ST6GALNAC5: variants seen among roughly 807,000 people sequenced by gnomAD.
ST6GALNAC5 encodes the protein alpha-N-acetylgalactosaminide alpha-2,6-sialyltransferase 5.
In ST6GALNAC5, 27 loss-of-function variants were observed where a neutral mutation model predicts 33.6. That is an observed-to-expected ratio of 0.80 (90% CI 0.59 to 1.11). ST6GALNAC5 has a LOEUF of 1.11. Among genes scored for constraint, ST6GALNAC5 ranks in the 50% least tolerant of loss-of-function variants. The probability of loss-of-function intolerance (pLI) is 0.00; values close to 1 mark genes in which losing one functional copy is unlikely to be tolerated. For synonymous variants in ST6GALNAC5, 194 were observed against 171.2 expected, an observed-to-expected ratio of 1.13 and a Z score of -1.04; for missense variants, 428 against 454.0, an observed-to-expected ratio of 0.94 and a Z score of 0.52.
At chr1:76,975,592 T>C (rs1648977767) in intron 2 of ST6GALNAC5, among the ~76,000 whole-genome samples, 1 of 152,178 alleles carries the variant, frequency 6.6e-6, no homozygotes, top group Non-Finnish European at 1.5e-5. Flanking sequence ...ATTAACAGAT[T>C]ATAAACATAT....
chr1:76,868,606 AG>A lies in ST6GALNAC5; in HGVS notation c.126del (p.Gln42HisfsTer48), dbSNP rs766780981. 1.3e-5 allele frequency: 21 copies of A among 1,610,926 alleles called. No homozygotes were observed. Among genetic ancestry groups the A allele is most frequent in the Middle Eastern group, 1.7e-4 (1 of 6,060 alleles). On this transcript the variant is annotated frameshift_variant, in exon 2 of 5. Transcript: ENST00000477717. LOFTEE classifies it high-confidence loss of function. The surrounding 1 kb of genome is among the most constrained non-coding windows in gnomAD (Gnocchi z 4.3). The stretch of plus-strand genomic sequence containing the variant: ...GAGCGGCCCCCGCAGCAGCAGCAGC[AG>A]CAGCAGCAACAGCAGCAGCAGGCGT... Reference protein sequence around the residue: ...QKERPPQQQQQQQQQQQQASA... With the variant: ...QKERPPQQQQXQQQQQQQASA...
At chr1:77,010,085 C>T (rs1650576099) in intron 2 of ST6GALNAC5, among the ~76,000 whole-genome samples, 1 of 152,194 alleles carries the variant, frequency 6.6e-6, no homozygotes, top group Admixed American at 6.5e-5. Context: ...TTTCCACCAG[C>T]CCTTCTGGTA....
chr1:77,012,136 A>G (rs944089809), intron 2 of ST6GALNAC5, among the ~76,000 whole-genome samples: 6 of 152,190 alleles, frequency 3.9e-5, no homozygotes, highest in African/African-American at 1.4e-4. Flanking sequence ...ATTTGATTAG[A>G]GAGAGTTGCA....
intron 2 of ST6GALNAC5, among the ~76,000 whole-genome samples, chr1:76,948,527 A>G (rs113401568): frequency 0.013 from 1,936 of 150,078 alleles, 45 homozygotes; most frequent in African/African-American, 0.044. Flanking sequence ...CCAGAATGGA[A>G]TTCATTCTGC....
At chr1:76,926,506 A>T (rs12409502) in intron 2 of ST6GALNAC5, among the ~76,000 whole-genome samples, 13,504 of 152,124 alleles carry the variant, frequency 0.089, 867 homozygotes, top group Admixed American at 0.17. Context: ...AAGAAATATT[A>T]AAAAAAGTAT....
chr1:76,934,598 T>C (rs78421902), intron 2 of ST6GALNAC5, among the ~76,000 whole-genome samples: 2,193 of 152,148 alleles, frequency 0.014, 53 homozygotes, highest in African/African-American at 0.049. Flanking sequence ...TCTCAAATGC[T>C]ATAGGTATTT....
At chr1:77,027,943 T>G (rs1651308472) in intron 2 of ST6GALNAC5, among the ~76,000 whole-genome samples, 1 of 152,202 alleles carries the variant, frequency 6.6e-6, no homozygotes, top group African/African-American at 2.4e-5. Context: ...AGTTCTGGTA[T>G]CCCTCCTGAG....
chr1:76,886,593 A>T (rs1278869203), intron 2 of ST6GALNAC5, among the ~76,000 whole-genome samples: 1 of 152,116 alleles, frequency 6.6e-6, no homozygotes, highest in Non-Finnish European at 1.5e-5. Flanking sequence ...CAACTATTTC[A>T]TTTTGCCGCC....
intron 2 of ST6GALNAC5, among the ~76,000 whole-genome samples, chr1:76,992,009 G>C (rs1007631526): frequency 1.3e-5 from 2 of 152,062 alleles, no homozygotes; most frequent in African/African-American, 4.8e-5. Flanking sequence ...TTTCTTCAGT[G>C]TTTTCTACAA....
Position 76,868,866 on chromosome 1 carries a change from G to A in ST6GALNAC5, c.261+124G>A. On this transcript the variant is annotated intron_variant, in intron 2 of 4. Coordinates refer to ENST00000477717, the MANE Select transcript of ST6GALNAC5 (RefSeq NM_030965.3). The surrounding 1 kb of genome is among the most constrained non-coding windows in gnomAD (Gnocchi z 4.3). ...TGCCGTTCGAAGGCTGGAGGGGAGTGGACCCGCTGGGGTAGGGTGGGCTAG... is the reference window on the plus strand; with the variant it reads ...TGCCGTTCGAAGGCTGGAGGGGAGTAGACCCGCTGGGGTAGGGTGGGCTAG... 7.2e-7 allele frequency: 1 copy of A among 1,387,504 alleles called. No homozygotes were observed. The highest frequency in any genetic ancestry group is 9.4e-7 in the Non-Finnish European group (1 of 1,065,496). The allele number at this position is 1,387,504 out of a possible 1,614,324, so 85.9% of individuals were successfully genotyped here.
At chr1:77,042,755 A>G (rs767874450) in intron 2 of ST6GALNAC5, among the ~76,000 whole-genome samples, 6 of 152,214 alleles carry the variant, frequency 3.9e-5, no homozygotes, top group Non-Finnish European at 5.9e-5. Flanking sequence ...AAATATTGGC[A>G]GTTTCAAAGG....
chr1:76,946,957 A>G (rs919556411), intron 2 of ST6GALNAC5, among the ~76,000 whole-genome samples: 7 of 147,146 alleles, frequency 4.8e-5, no homozygotes, highest in African/African-American at 1.8e-4. Flanking sequence ...CTTGTGAAAT[A>G]CTAAGCGAAT....
intron 2 of ST6GALNAC5, among the ~76,000 whole-genome samples, chr1:76,957,993 T>C (rs916937181): frequency 5.9e-5 from 9 of 152,176 alleles, no homozygotes. Flanking sequence ...CAGTTGACTT[T>C]GAGAATGTAC....
intron 2 of ST6GALNAC5, among the ~76,000 whole-genome samples, chr1:76,950,121 C>T (rs555793732): frequency 1.6e-4 from 25 of 152,204 alleles, no homozygotes; most frequent in Non-Finnish European, 2.6e-4. Context: ...ATTTTGCACA[C>T]AGGGAAGTGA....
At chr1:76,891,463 TTTAATATATTCTGGA>T (rs1273081734) in intron 2 of ST6GALNAC5, among the ~76,000 whole-genome samples, 1 of 152,198 alleles carries the variant, frequency 6.6e-6, no homozygotes, top group East Asian at 1.9e-4. Flanking sequence ...GAGTTGTGTT[TTTAATATATTCTGGA>T]TACAAGTTCA....
At chr1:77,009,452 G>A (rs942163984) in intron 2 of ST6GALNAC5, among the ~76,000 whole-genome samples, 2 of 152,084 alleles carry the variant, frequency 1.3e-5, no homozygotes, top group Non-Finnish European at 2.9e-5. Flanking sequence ...AGGTAGGCAG[G>A]GGAAATTGCA....
At chr1:76,967,422 C>T (rs1368770872) in intron 2 of ST6GALNAC5, among the ~76,000 whole-genome samples, 48 of 152,024 alleles carry the variant, frequency 3.2e-4, no homozygotes, top group Admixed American at 2.9e-3. Flanking sequence ...TCTGCGGGAT[C>T]AGTGGTGACA....
At chr1:76,895,580 C>T (rs1407996996) in intron 2 of ST6GALNAC5, among the ~76,000 whole-genome samples, 1 of 152,088 alleles carries the variant, frequency 6.6e-6, no homozygotes. Flanking sequence ...TTAGAGAGTG[C>T]CTAAGGAGAT....
intron 2 of ST6GALNAC5, among the ~76,000 whole-genome samples, chr1:76,948,808 C>G (rs906035482): frequency 6.6e-6 from 1 of 152,068 alleles, no homozygotes; most frequent in Non-Finnish European, 1.5e-5. Flanking sequence ...TCTTTCTGAG[C>G]CACTCCTCAC....
Sources: allele counts gnomAD v4.1 joint callset (sites outside exome capture counted in the v4.1 genomes callset), GRCh38; gene constraint gnomAD v4.1.1; non-coding constraint Gnocchi (gnomAD v3.1); transcripts MANE v1.5; gene names NCBI Gene and HGNC (gene_info 2026-07-23, HGNC 2026-07-21).